Variants in ATF7IP2 observed in about 807,000 individuals in gnomAD.
ATF7IP2 encodes the protein activating transcription factor 7-interacting protein 2.
In ATF7IP2, 42 loss-of-function variants were observed where a neutral mutation model predicts 64.2. That is an observed-to-expected ratio of 0.65 (90% CI 0.51 to 0.85). The LOEUF is 0.85. ATF7IP2 is among the 40% of genes least tolerant of loss of function. ATF7IP2 has a pLI of 0.00. For synonymous variants in ATF7IP2, 308 were observed against 272.8 expected (o/e 1.13, Z -1.27); for missense variants, 933 against 784.2 (o/e 1.19, Z -2.27).
intron 8 of ATF7IP2, chr16:10,449,387 C>G (rs1343863351): frequency 6.6e-6 from 1 of 152,168 alleles, no homozygotes; most frequent in Non-Finnish European, 1.5e-5. Context: ...GGAACAGTAC[C>G]AGCTCCTCTT....
intron 1 of ATF7IP2, among the ~76,000 whole-genome samples, chr16:10,413,248 C>T (rs757084585): frequency 3.9e-5 from 6 of 152,002 alleles, no homozygotes; most frequent in Non-Finnish European, 7.4e-5. Context: ...GTGGGAGGGA[C>T]CCAGGGGGAG....
At chr16:10,398,272 C>T (rs1041634133) in intron 1 of ATF7IP2, among the ~76,000 whole-genome samples, 1 of 150,798 alleles carries the variant, frequency 6.6e-6, no homozygotes, top group African/African-American at 2.5e-5. Flanking sequence ...CCACTGCACT[C>T]TAGTCTGGGC....
At chr16:10,443,160 C>G (rs2048686156) in intron 8 of ATF7IP2, among the ~76,000 whole-genome samples, 1 of 152,204 alleles carries the variant, frequency 6.6e-6, no homozygotes, top group Admixed American at 6.5e-5. Context: ...ACAACACATC[C>G]ACTCGAGGAT....
chr16:10,402,854 G>A (rs2047561767), intron 1 of ATF7IP2, among the ~76,000 whole-genome samples: 1 of 151,510 alleles, frequency 6.6e-6, no homozygotes, highest in African/African-American at 2.4e-5. Flanking sequence ...CAGCAGGTTT[G>A]CTTGAGGTGA....
At chr16:10,452,935 C>T (rs1359448383) in intron 8 of ATF7IP2, among the ~76,000 whole-genome samples, 2 of 152,130 alleles carry the variant, frequency 1.3e-5, no homozygotes, top group Admixed American at 1.3e-4. Context: ...CCCCTCCCCT[C>T]ACCAAGCTTG....
At chr16:10,391,361 C>T (rs781513370) in intron 1 of ATF7IP2, among the ~76,000 whole-genome samples, 17 of 150,092 alleles carry the variant, frequency 1.1e-4, no homozygotes, top group Admixed American at 2.7e-4. Flanking sequence ...GCAGAGGTTG[C>T]GGTGAGCGGA....
chr16:10,405,733 A>G (rs1298359024), intron 1 of ATF7IP2, among the ~76,000 whole-genome samples: 1 of 152,094 alleles, frequency 6.6e-6, no homozygotes, highest in Non-Finnish European at 1.5e-5. Flanking sequence ...CAATTACCCC[A>G]GCCTGTAAGT....
At chr16:10,441,086 C>CT (rs1233727724) in intron 8 of ATF7IP2, among the ~76,000 whole-genome samples, 3 of 152,258 alleles carry the variant, frequency 2.0e-5, no homozygotes, top group Admixed American at 6.5e-5. Flanking sequence ...TGAATTCATC[C>CT]TTTTTTTGGC....
intron 9 of ATF7IP2, 181 bp downstream of exon 9, chr16:10,457,710 T>G: frequency 2.2e-6 from 1 of 449,660 alleles, no homozygotes; most frequent in Non-Finnish European, 3.7e-6. Flanking sequence ...GTTTTTGGGT[T>G]TTCTGGTGTT....
In ATF7IP2 at chr16:10,428,887, T is replaced by A. The variant is rs771896863; in HGVS notation, c.-140T>A. On this transcript the variant is annotated 5_prime_UTR_variant, in exon 4 of 14. Coordinates refer to ENST00000562102, the MANE Select transcript of ATF7IP2 (RefSeq NM_001393719.1). ...TGATAGGAATCCTGCTTTTTTTTTT[T>A]CTTTGAGACACGGTCTCACTCTGTC... 11 of 149,634 alleles carry A rather than the reference T, an allele frequency of 7.4e-5. No individual in the cohort carries two copies. Among genetic ancestry groups the A allele is most frequent in the African/African-American group, 2.5e-5 (1 of 40,018 alleles). The allele number at this position is 149,634 out of a possible 1,614,324, so 9.3% of individuals were successfully genotyped here.
chr16:10,476,434 T>C (rs186503200), intron 12 of ATF7IP2, among the ~76,000 whole-genome samples: 5 of 152,196 alleles, frequency 3.3e-5, no homozygotes, highest in African/African-American at 1.2e-4. Flanking sequence ...TTTCATACTT[T>C]CCAATATAAA....
intron 12 of ATF7IP2, among the ~76,000 whole-genome samples, chr16:10,475,722 G>GA (rs386384218): frequency 0.12 from 4,955 of 41,602 alleles, 438 homozygotes; most frequent in African/African-American, 0.28. Flanking sequence ...TAAGAAGCCA[G>GA]AAAAAAAAAA....
At chr16:10,393,909 G>T (rs1390371804) in intron 1 of ATF7IP2, among the ~76,000 whole-genome samples, 8 of 152,126 alleles carry the variant, frequency 5.3e-5, no homozygotes, top group Admixed American at 4.6e-4. Context: ...GAGTGTGATG[G>T]CACATACGTG....
At chr16:10,459,914 G>A (rs1056495691) in intron 9 of ATF7IP2, among the ~76,000 whole-genome samples, 1 of 152,108 alleles carries the variant, frequency 6.6e-6, no homozygotes, top group African/African-American at 2.4e-5. Context: ...CATACTGGAT[G>A]CCTTAGCTAA....
chr16:10,395,829 G>A (rs1173691152), intron 1 of ATF7IP2, among the ~76,000 whole-genome samples: 1 of 152,180 alleles, frequency 6.6e-6, no homozygotes, highest in South Asian at 2.1e-4. Context: ...CATAGTGGAG[G>A]ATTGGAGGTT....
At chr16:10,471,945 G>A in intron 9 of ATF7IP2, 165 bp from the exon 10 acceptor site, 1 of 432,990 alleles carries the variant, frequency 2.3e-6, no homozygotes, top group Middle Eastern at 5.3e-4. Context: ...GGTAATAAAT[G>A]GAGTTTTTTT....
intron 1 of ATF7IP2, among the ~76,000 whole-genome samples, chr16:10,405,618 A>T (rs535824751): frequency 1.5e-4 from 23 of 152,260 alleles, no homozygotes; most frequent in African/African-American, 5.3e-4. Flanking sequence ...TTCTTATCAC[A>T]TCCTGCCGGA....
chr16:10,396,625 C>A (rs907512694), intron 1 of ATF7IP2, among the ~76,000 whole-genome samples: 3 of 151,764 alleles, frequency 2.0e-5, no homozygotes, highest in Non-Finnish European at 4.4e-5. Flanking sequence ...TAGATTGAAA[C>A]AATTGTTGTA....
rs141422757 is a variant in ATF7IP2 at position 10,439,834 on chromosome 16, G to A, written c.1096-530G>A. 1.4e-4 allele frequency among the ~76,000 whole-genome samples: 21 copies of A among 151,280 alleles called. 1 individual carries two copies. The East Asian group carries it at 3.2e-3, about 23-fold the overall frequency. On this transcript the variant is annotated intron_variant, in intron 7 of 13. Coordinates refer to ENST00000562102, the MANE Select transcript of ATF7IP2 (RefSeq NM_001393719.1). The stretch of plus-strand genomic sequence containing the variant: ...CAGGCGTGAGCCACTGCGCCCGGCC[G>A]AAGTTTGAGATTTTTATCTTCCTTA...
Sources: allele counts gnomAD v4.1 joint callset (sites outside exome capture counted in the v4.1 genomes callset), GRCh38; gene constraint gnomAD v4.1.1; transcripts MANE v1.5; gene names NCBI Gene and HGNC (gene_info 2026-07-23, HGNC 2026-07-21).